The following SRBD1 variants were observed in gnomAD, a reference collection of about 807,000 sequenced individuals.
SRBD1 encodes S1 RNA binding domain 1, also known as S1 RNA-binding domain-containing protein 1.
In SRBD1, 88 loss-of-function variants were observed where a neutral mutation model predicts 115.3. The observed-to-expected ratio is 0.76, with a 90% CI of 0.64 to 0.91. SRBD1 has a LOEUF of 0.91. Ranked by LOEUF, SRBD1 falls within the 40% of genes least tolerant of loss-of-function variation. SRBD1 has a pLI of 0.00. For missense variants in SRBD1, 1,385 were observed against 1,177.4 expected (o/e 1.18, Z -2.58); for synonymous variants, 509 against 407.7 (o/e 1.25, Z -2.99).
chr2:45,393,660 G>A (rs376687470), intron 19 of SRBD1, among the ~76,000 whole-genome samples: 3 of 152,312 alleles, frequency 2.0e-5, no homozygotes, highest in South Asian at 2.1e-4. Flanking sequence ...GATTACAGGC[G>A]TAAGCCACTG....
At chr2:45,534,999 T>C (rs185686941) in intron 14 of SRBD1, among the ~76,000 whole-genome samples, 8 of 151,986 alleles carry the variant, frequency 5.3e-5, no homozygotes, top group African/African-American at 1.9e-4. Context: ...AATTAATGTA[T>C]CCTTATTAAA....
At chr2:45,522,974 A>T (rs1047996323) in intron 14 of SRBD1, among the ~76,000 whole-genome samples, 4 of 152,162 alleles carry the variant, frequency 2.6e-5, no homozygotes, top group Admixed American at 1.3e-4. Flanking sequence ...CCCAACCTCC[A>T]CATTGTTCAA....
chr2:45,418,686 A>AC (rs200745209), intron 17 of SRBD1, 145 bp from the exon 18 acceptor site: 15,963 of 718,678 alleles, frequency 0.022, 430 homozygotes, highest in Admixed American at 0.087. Flanking sequence ...TAAAAAAAAA[A>AC]ACAAAAAAAA....
At chr2:45,556,717 C>T (rs1288877802) in intron 10 of SRBD1, among the ~76,000 whole-genome samples, 1 of 152,074 alleles carries the variant, frequency 6.6e-6, no homozygotes, top group Non-Finnish European at 1.5e-5. Flanking sequence ...CCTGCTTTGG[C>T]CTCCCAAAGT....
At position 45,605,396 on chromosome 2, in the gene SRBD1, C is replaced by G; in HGVS notation, c.46G>C (p.Val16Leu). The G allele has an allele frequency of 6.2e-7, 1 of 1,613,736 alleles. No individual in the cohort carries two copies. Among genetic ancestry groups the G allele is most frequent in the South Asian group, 1.1e-5 (1 of 91,074 alleles). ...RRAKVQVQDV[V>L]LKDEFSSFSE... ...AATGAAGAAAATTCATCTTTCAGTA[C>G]CACATCCTGGACCTGTACTTTCGCT... Residue 16 changes from valine (V) to leucine (L), a missense_variant, in exon 2 of 21, where the codon GTA becomes CTA. By Grantham distance (32) the Val-to-Leu change is conservative. Transcript: ENST00000263736.
At chr2:45,573,576 C>A (rs1673086946) in intron 8 of SRBD1, among the ~76,000 whole-genome samples, 1 of 151,974 alleles carries the variant, frequency 6.6e-6, no homozygotes, top group African/African-American at 2.4e-5. Flanking sequence ...CCATAAAATG[C>A]CTAAATGAAT....
chr2:45,474,403 T>C (rs1310886870), intron 16 of SRBD1, among the ~76,000 whole-genome samples: 2 of 152,236 alleles, frequency 1.3e-5, no homozygotes, highest in Non-Finnish European at 2.9e-5. Context: ...TGGGACATCA[T>C]GCCAGGTGTC....
chr2:45,414,666 A>T (rs557201841), intron 18 of SRBD1, among the ~76,000 whole-genome samples: 26 of 148,766 alleles, frequency 1.7e-4, no homozygotes, highest in African/African-American at 6.6e-4. Context: ...ATACACACAT[A>T]GTGTATATAG....
At chr2:45,525,973 G>T (rs1165478772) in intron 14 of SRBD1, among the ~76,000 whole-genome samples, 2 of 151,984 alleles carry the variant, frequency 1.3e-5, no homozygotes, top group Middle Eastern at 3.2e-3. Context: ...AGGTAACCAT[G>T]GCAGGTTGTA....
intron 19 of SRBD1, among the ~76,000 whole-genome samples, chr2:45,400,559 A>T (rs1212572612): frequency 6.6e-6 from 1 of 152,108 alleles, no homozygotes; most frequent in Non-Finnish European, 1.5e-5. Flanking sequence ...AATTACATCC[A>T]GATCACATGA....
chr2:45,476,853 T>A, intron 16 of SRBD1, 140 bp downstream of exon 16: 1 of 686,738 alleles, frequency 1.5e-6, no homozygotes, highest in Non-Finnish European at 2.4e-6. Context: ...CCCTGATGAC[T>A]TAAAACTCCT....
intron 1 of SRBD1, 89 bp from the exon 2 acceptor site, chr2:45,605,530 T>C (rs990306514): frequency 8.1e-6 from 10 of 1,232,766 alleles, no homozygotes; most frequent in Non-Finnish European, 1.2e-5. Flanking sequence ...AAAACTAACA[T>C]TTCATAGGAA....
chr2:45,561,347 C>A (rs771496804), intron 10 of SRBD1, among the ~76,000 whole-genome samples: 22 of 152,164 alleles, frequency 1.4e-4, no homozygotes, highest in Non-Finnish European at 2.9e-4. Flanking sequence ...TATTGATTAA[C>A]ATTTAGACTG....
At chr2:45,545,231 G>T (rs1180807377) in intron 14 of SRBD1, among the ~76,000 whole-genome samples, 2 of 131,536 alleles carry the variant, frequency 1.5e-5, no homozygotes, top group Admixed American at 1.8e-4. Context: ...AGTGAGCCAA[G>T]ATTGTGCCAC....
At chr2:45,485,611 T>C (rs1480313782) in intron 15 of SRBD1, among the ~76,000 whole-genome samples, 4 of 152,194 alleles carry the variant, frequency 2.6e-5, no homozygotes, top group Non-Finnish European at 5.9e-5. Flanking sequence ...AGAAGACAAC[T>C]TCTGTTTTCA....
At chr2:45,530,253 CTAAG>C (rs1671571881) in intron 14 of SRBD1, among the ~76,000 whole-genome samples, 1 of 152,042 alleles carries the variant, frequency 6.6e-6, no homozygotes, top group African/African-American at 2.4e-5. Flanking sequence ...TTGCTTATCA[CTAAG>C]TAATATCTTA....
Position 45,565,445 on chromosome 2 carries a change from G to T in SRBD1, c.1306-2689C>A, listed in dbSNP as rs190915899. ...CACATGCAAAAGAACAAAAGTGGAC[G>T]GACCCCTACTTCACGCTATACATAA... On this transcript the variant is annotated intron_variant, in intron 9 of 20. Coordinates refer to ENST00000263736, the MANE Select transcript of SRBD1 (RefSeq NM_018079.5). Among the ~76,000 whole-genome samples the T allele has an allele frequency of 2.6e-5, 4 of 152,156 alleles. No homozygotes were observed. In the East Asian group the frequency reaches 7.7e-4, roughly 29 times the overall value.
intron 16 of SRBD1, among the ~76,000 whole-genome samples, chr2:45,451,551 A>G (rs1298526643): frequency 1.3e-5 from 2 of 152,154 alleles, no homozygotes; most frequent in Admixed American, 6.6e-5. Context: ...TCTTTGAGAA[A>G]ATACTCTGCA....
At chr2:45,490,553 G>T (rs969136220) in intron 14 of SRBD1, among the ~76,000 whole-genome samples, 4 of 152,080 alleles carry the variant, frequency 2.6e-5, no homozygotes, top group South Asian at 2.1e-4. Context: ...TAAGAGAAAA[G>T]AATATTTTTG....
Sources: gnomAD v4.1 joint callset for allele counts (sites outside exome capture counted in the v4.1 genomes callset) on GRCh38, gnomAD v4.1.1 for gene constraint, MANE v1.5 for transcripts, NCBI Gene and HGNC (gene_info 2026-07-23, HGNC 2026-07-21) for gene names.